CRHR1: variants seen among roughly 807,000 people sequenced by gnomAD.
CRHR1 encodes the protein corticotropin releasing hormone receptor 1.
CRHR1 carries 28 observed loss-of-function variants against 56.0 expected under a neutral mutation model. The observed-to-expected ratio is 0.50, with a 90% CI of 0.37 to 0.69. The LOEUF (loss-of-function observed/expected upper bound fraction) is 0.69. Among genes scored for constraint, CRHR1 ranks in the 30% least tolerant of loss-of-function variants. The probability of loss-of-function intolerance (pLI) is 0.00; values close to 1 mark genes in which losing one functional copy is unlikely to be tolerated. For missense variants in CRHR1, 376 were observed against 548.0 expected (o/e 0.69, Z 3.13); for synonymous variants, 195 against 216.5 (o/e 0.90, Z 0.87).
rs2062372346 is a variant in CRHR1 at position 45,833,710 on chromosome 17, C to G, written c.930-4C>G. 3 of 1,609,298 alleles carry G rather than the reference C, an allele frequency of 1.9e-6. No individual in the cohort carries two copies. Among genetic ancestry groups the G allele is most frequent in the Non-Finnish European group, 2.5e-6 (3 of 1,177,930 alleles). ...TCCGAGCCTCCCCACCCGCCCCACC[C>G]CAGGAAGGCTGTGAAAGCCACTCTG... is the stretch of plus-strand genomic sequence containing the variant. On this transcript the variant is annotated splice_region_variant and splice_polypyrimidine_tract_variant and intron_variant, in intron 10 of 12. Coordinates refer to ENST00000314537, the MANE Select transcript of CRHR1 (RefSeq NM_004382.5).
chr17:45,821,983 C>T (rs2062052005), intron 4 of CRHR1, among the ~76,000 whole-genome samples: 1 of 152,226 alleles, frequency 6.6e-6, no homozygotes, highest in Admixed American at 6.5e-5. Context: ...CCCTCCCACC[C>T]CGTCCCCAGC....
chr17:45,834,693 C>T lies in CRHR1; in HGVS notation c.1177C>T (p.Arg393Cys), dbSNP rs767268155. 6.8e-6 allele frequency: 11 copies of T among 1,613,698 alleles called. No individual in the cohort carries two copies. Among genetic ancestry groups the T allele is most frequent in the East Asian group, 4.5e-5 (2 of 44,850 alleles). Residue 393 changes from arginine (R) to cysteine (C), a missense_variant, in exon 13 of 13, where the codon CGT becomes TGT. This residue lies in a region of CRHR1 where 369 missense variants were observed against 519.5 expected (regional missense o/e 0.71). Transcript: ENST00000314537. ...DKHSIRARVA[R>C]AMSIPTSPTR... ...GCACTCGATCCGTGCCCGAGTGGCC[C>T]GTGCCATGTCCATCCCCACCTCCCC... is the stretch of plus-strand genomic sequence containing the variant.
chr17:45,801,094 C>A (rs1447037604), intron 1 of CRHR1, among the ~76,000 whole-genome samples: 1 of 152,144 alleles, frequency 6.6e-6, no homozygotes, highest in Admixed American at 6.5e-5. Context: ...TCATTCCAGC[C>A]CCATTCTGTG....
intron 8 of CRHR1, among the ~76,000 whole-genome samples, chr17:45,831,794 A>G (rs959040750): frequency 7.2e-5 from 11 of 152,228 alleles, no homozygotes; most frequent in African/African-American, 2.4e-4. Context: ...CCGGGAACCT[A>G]TCTGACTGAC....
chr17:45,804,890 C>G (rs1403787795), intron 1 of CRHR1, among the ~76,000 whole-genome samples: 1 of 151,708 alleles, frequency 6.6e-6, no homozygotes, highest in African/African-American at 2.4e-5. Context: ...TCTCGGCTCA[C>G]TACAACCTCA....
intron 11 of CRHR1, 22 bp downstream of exon 11, chr17:45,833,871 T>A (rs1272487262): frequency 4.3e-6 from 7 of 1,612,656 alleles, no homozygotes; most frequent in East Asian, 2.2e-5. Context: ...GAGGGACACA[T>A]CAGCACCTCC....
At chr17:45,816,037 G>T (rs17762769) in intron 2 of CRHR1, among the ~76,000 whole-genome samples, 1 of 152,140 alleles carries the variant, frequency 6.6e-6, no homozygotes, top group African/African-American at 2.4e-5. Flanking sequence ...GAGGGGCTAG[G>T]TCAATGATTG....
chr17:45,784,505 G>C lies in CRHR1; in HGVS notation c.-40G>C. On this transcript the variant is annotated 5_prime_UTR_variant, in exon 1 of 13. Transcript: ENST00000314537. The surrounding 1 kb of genome is among the most constrained non-coding windows in gnomAD (Gnocchi z 4.2). ...CGCCGGTCCCTCTGGGATGTCCGTA[G>C]GACCCGGGCATTCAGGACGGTAGCC... is the stretch of plus-strand genomic sequence containing the variant. The C allele has an allele frequency of 6.5e-7, 1 of 1,528,282 alleles. No individual in the cohort carries two copies. Among genetic ancestry groups the C allele is most frequent in the Non-Finnish European group, 8.8e-7 (1 of 1,136,478 alleles). The allele number at this position is 1,528,282 out of a possible 1,614,324, so 94.7% of individuals were successfully genotyped here.
chr17:45,833,923 G>A, intron 11 of CRHR1, 74 bp downstream of exon 11: 5 of 1,612,860 alleles, frequency 3.1e-6, no homozygotes, highest in Non-Finnish European at 4.2e-6. Flanking sequence ...GAGGGCAGGA[G>A]GCCAGGGAGA....
chr17:45,806,717 C>T (rs2146307139), intron 1 of CRHR1, among the ~76,000 whole-genome samples: 1 of 152,258 alleles, frequency 6.6e-6, no homozygotes, highest in African/African-American at 2.4e-5. Context: ...CGCACTCAGC[C>T]CCTAGGGGTA....
At chr17:45,834,177 T>C in intron 12 of CRHR1, 129 bp downstream of exon 12, 1 of 1,173,214 alleles carries the variant, frequency 8.5e-7, no homozygotes, top group Non-Finnish European at 1.2e-6. Flanking sequence ...TCCCTAGGGG[T>C]ATGCTGCTGG....
intron 5 of CRHR1, 119 bp downstream of exon 5, chr17:45,829,440 G>C: frequency 3.0e-6 from 4 of 1,325,198 alleles, no homozygotes; most frequent in Non-Finnish European, 4.2e-6. Flanking sequence ...GGTGGCAGGG[G>C]CTGGCTTATC....
Position 45,786,159 on chromosome 17 carries a change from G to C in CRHR1, c.33+1582G>C, listed in dbSNP as rs569501644. 3.4e-5 allele frequency among the ~76,000 whole-genome samples: 5 copies of C among 148,132 alleles called. No individual in the cohort carries two copies. In the South Asian group the frequency reaches 1.1e-3, roughly 32 times the overall value. ...TTTTTTTCAGGTTTACGCGGAAATA[G>C]ATCAATGTTCTTTTTCTGGCCTTTC... On this transcript the variant is annotated intron_variant, in intron 1 of 12. Transcript: ENST00000314537.
At chr17:45,792,949 C>T (rs1163218650) in intron 1 of CRHR1, among the ~76,000 whole-genome samples, 1 of 152,198 alleles carries the variant, frequency 6.6e-6, no homozygotes, top group Non-Finnish European at 1.5e-5. Flanking sequence ...AATAACAAAA[C>T]CTCTGTGTGC....
chr17:45,830,903 GC>G lies in CRHR1; in HGVS notation c.735del (p.Trp246GlyfsTer31). ...GWGVPFPIIVAWAIGKLYYDN... is the reference protein window; with the variant it reads ...GWGVPFPIIVXWAIGKLYYDN... ...AGGTGTGCCCTTCCCCATCATTGTG[GC>G]CTGGGCCATTGGGAAGCTGTACTAC... On this transcript the variant is annotated frameshift_variant, in exon 8 of 13. Transcript: ENST00000314537. LOFTEE classifies it high-confidence loss of function. 6.2e-7 allele frequency: 1 copy of G among 1,613,956 alleles called. No individual in the cohort carries two copies. Among genetic ancestry groups the G allele is most frequent in the Non-Finnish European group, 8.5e-7 (1 of 1,179,946 alleles).
intron 5 of CRHR1, chr17:45,829,556 C>A: frequency 6.5e-7 from 1 of 1,548,536 alleles, no homozygotes; most frequent in Non-Finnish European, 8.7e-7. Flanking sequence ...GTCACCCATA[C>A]CCAGGCCAGG....
intron 1 of CRHR1, among the ~76,000 whole-genome samples, chr17:45,793,903 G>A (rs2061471254): frequency 2.6e-5 from 4 of 152,212 alleles, no homozygotes; most frequent in Admixed American, 2.6e-4. Flanking sequence ...GGAAATGCCT[G>A]TGCTGCTGCA....
chr17:45,817,544 T>C (rs926871167), intron 3 of CRHR1, among the ~76,000 whole-genome samples: 8 of 152,254 alleles, frequency 5.3e-5, no homozygotes, highest in African/African-American at 2.4e-5. Flanking sequence ...CTGGATGGCT[T>C]GGCTTCTAAG....
intron 1 of CRHR1, among the ~76,000 whole-genome samples, chr17:45,795,201 G>A (rs762848279): frequency 1.3e-5 from 2 of 152,134 alleles, no homozygotes; most frequent in African/African-American, 4.8e-5. Flanking sequence ...ATCCAAGGTC[G>A]CACAGGGCAT....
Sources: gnomAD v4.1 joint callset for allele counts (sites outside exome capture counted in the v4.1 genomes callset) on GRCh38, gnomAD v4.1.1 for gene constraint, gnomAD v4.1.1 regional missense constraint, Gnocchi (gnomAD v3.1) non-coding constraint, MANE v1.5 for transcripts, NCBI Gene and HGNC (gene_info 2026-07-23, HGNC 2026-07-21) for gene names.